LYG2: variants seen among roughly 807,000 people sequenced by gnomAD.
The protein encoded by LYG2 is lysozyme g-like protein 2.
Under a neutral mutation model 22.4 loss-of-function variants are expected in LYG2, and 25 were observed. The observed-to-expected ratio is 1.12, with a 90% CI of 0.81 to 1.56. The LOEUF (loss-of-function observed/expected upper bound fraction) is 1.56. LYG2 is among the 40% of genes most tolerant of loss of function. The pLI is 0.00. For missense variants in LYG2, 266 were observed against 269.5 expected, an observed-to-expected ratio of 0.99 and a Z score of 0.09; for synonymous variants, 88 against 97.0, an observed-to-expected ratio of 0.91 and a Z score of 0.55.
At chr2:99,248,371 G>A (rs1340505421) in intron 3 of LYG2, among the ~76,000 whole-genome samples, 1 of 151,942 alleles carries the variant, frequency 6.6e-6, no homozygotes, top group Non-Finnish European at 1.5e-5. Flanking sequence ...AGAAAATGTG[G>A]CACATATACA....
At chr2:99,255,268 TTACC>T (rs1225289918) in intron 1 of LYG2, 131 bp from the exon 2 acceptor site, 1 of 152,264 alleles carries the variant, frequency 6.6e-6, no homozygotes, top group Non-Finnish European at 1.5e-5. Flanking sequence ...CTGGCTTTTC[TTACC>T]TTCGTCCTGT....
chr2:99,256,654 C>T, upstream of LYG2, among the ~76,000 whole-genome samples: 1 of 152,222 alleles, frequency 6.6e-6, no homozygotes, highest in East Asian at 1.9e-4. Context: ...TGGAAGAAGA[C>T]ATTGTTAATA....
intron 4 of LYG2, among the ~76,000 whole-genome samples, chr2:99,246,369 T>C (rs1160301115): frequency 6.6e-6 from 1 of 152,102 alleles, no homozygotes; most frequent in Non-Finnish European, 1.5e-5. Context: ...TTGCTTCAAA[T>C]GGTCATGTGT....
At chr2:99,244,415 G>A (rs907779531) in intron 5 of LYG2, among the ~76,000 whole-genome samples, 1 of 152,186 alleles carries the variant, frequency 6.6e-6, no homozygotes, top group African/African-American at 2.4e-5. Context: ...CACATTTATA[G>A]TAATAAATAA....
rs74410878 is a variant in LYG2 at position 99,255,653 on chromosome 2, C to T, written c.-194G>A. ...TGTTCCCATTCCAATGTCATATGATCCCCGTACCAGTATGTCACATGATCT... is the reference window on the plus strand; with the variant it reads ...TGTTCCCATTCCAATGTCATATGATTCCCGTACCAGTATGTCACATGATCT... On this transcript the variant is annotated 5_prime_UTR_variant, in exon 1 of 7. Coordinates refer to ENST00000333017, the MANE Select transcript of LYG2 (RefSeq NM_175735.4). Among the ~76,000 whole-genome samples, 2 of 152,112 alleles carry T rather than the reference C, an allele frequency of 1.3e-5. No homozygotes were observed. Among genetic ancestry groups the T allele is most frequent in the African/African-American group, 4.8e-5 (2 of 41,422 alleles).
chr2:99,245,505 G>A (rs781163098), intron 4 of LYG2, 47 bp from the exon 5 acceptor site: 2 of 1,311,010 alleles, frequency 1.5e-6, no homozygotes, highest in East Asian at 2.4e-5. Context: ...GGTAGTGTGT[G>A]CCTGAAGTCA....
In LYG2 at chr2:99,247,281, G is replaced by A. The variant is rs146957998; in HGVS notation, c.44-461C>T. ...CTTATTTTCTCTTTTTGTAGAGATG[G>A]GGTTTTGCTATGTTGCCCAAGCTAG... On this transcript the variant is annotated intron_variant, in intron 3 of 6. Transcript: ENST00000333017. Among the ~76,000 whole-genome samples the A allele has an allele frequency of 3.6e-3, 547 of 152,056 alleles. 2 individuals carry two copies. Among genetic ancestry groups the A allele is most frequent in the African/African-American group, 0.013 (528 of 41,458 alleles).
chr2:99,248,133 G>A (rs2094019546), intron 3 of LYG2, among the ~76,000 whole-genome samples: 1 of 151,894 alleles, frequency 6.6e-6, no homozygotes, highest in Admixed American at 6.5e-5. Flanking sequence ...CACTGTTGGT[G>A]GGACTGTAAA....
intron 5 of LYG2, among the ~76,000 whole-genome samples, chr2:99,245,059 C>T (rs927803416): frequency 7.3e-5 from 11 of 150,098 alleles, no homozygotes; most frequent in Admixed American, 1.3e-4. Flanking sequence ...TGCAGTGAGC[C>T]GAGATCACGC....
At chr2:99,254,586 T>C (rs546246958) in intron 2 of LYG2, among the ~76,000 whole-genome samples, 1 of 152,256 alleles carries the variant, frequency 6.6e-6, no homozygotes, top group African/African-American at 2.4e-5. Flanking sequence ...CACAATTTTG[T>C]TCCCTTTCTT....
the LYG2 span, among the ~76,000 whole-genome samples, chr2:99,261,005 G>C: frequency 2.8e-4 from 43 of 152,190 alleles, 1 homozygote; most frequent in African/African-American, 9.9e-4. Flanking sequence ...AGCTGAAAGA[G>C]AGCCAAAAAG....
chr2:99,245,503 G>T (rs1428615142), intron 4 of LYG2, 45 bp from the exon 5 acceptor site: 2 of 1,325,476 alleles, frequency 1.5e-6, no homozygotes, highest in Admixed American at 1.9e-5. Context: ...ATGGTAGTGT[G>T]TGCCTGAAGT....
At chr2:99,251,036 C>T (rs1274618897) in intron 3 of LYG2, among the ~76,000 whole-genome samples, 1 of 152,044 alleles carries the variant, frequency 6.6e-6, no homozygotes, top group African/African-American at 2.4e-5. Context: ...GTGTGATTTG[C>T]TCATATTTTC....
chr2:99,253,965 A>G (rs1382226941), intron 3 of LYG2, among the ~76,000 whole-genome samples: 1 of 152,156 alleles, frequency 6.6e-6, no homozygotes, highest in African/African-American at 2.4e-5. Context: ...TGATAGGTGC[A>G]TTGTCAGACA....
intron 4 of LYG2, among the ~76,000 whole-genome samples, chr2:99,246,096 A>C (rs1246108882): frequency 6.6e-6 from 1 of 152,204 alleles, no homozygotes; most frequent in East Asian, 1.9e-4. Flanking sequence ...TGACAAAGCA[A>C]GACTCTGTCA....
chr2:99,242,476 A>T lies in LYG2; in HGVS notation c.527T>A (p.Leu176His), dbSNP rs777168033. The T allele has an allele frequency of 3.7e-6, 6 of 1,601,540 alleles. No individual in the cohort carries two copies. Among genetic ancestry groups the T allele is most frequent in the Admixed American group, 1.7e-5 (1 of 59,558 alleles). ...TTCAATTCCTGACTTAAAAGCTGAG[A>T]GACCACCTGAAATGAAACACAGAGA... ...WSVAQHLKGG[L>H]SAFKSGIEAI... The change falls in exon 7 of 7, where the codon CTC becomes CAC. Residue 176 changes from leucine to histidine, a missense_variant. Transcript: ENST00000333017.
Position 99,245,367 on chromosome 2 carries a change from G to A in LYG2, c.276C>T (p.Cys92=), listed in dbSNP as rs775217910. The part of the protein sequence containing the change: ...TLIKEVGQRH[C]VDPAVIAAII... ...TGGCTGCGATGACAGCAGGGTCCAC[G>A]CAATGTCTCTGCCCGACTTCTTTGA... The change falls in exon 5 of 7, where the codon TGC becomes TGT. Residue 92 remains cysteine, a synonymous_variant. Coordinates refer to ENST00000333017, the MANE Select transcript of LYG2 (RefSeq NM_175735.4). 5 of 1,613,208 alleles carry A rather than the reference G, an allele frequency of 3.1e-6. No homozygotes were observed. Among genetic ancestry groups the A allele is most frequent in the Non-Finnish European group, 3.4e-6 (4 of 1,179,602 alleles).
In LYG2 at chr2:99,244,022, C is replaced by G. The variant is rs201455512; in HGVS notation, c.497G>C (p.Trp166Ser). 4.3e-6 allele frequency: 7 copies of G among 1,613,920 alleles called. No individual in the cohort carries two copies. Among genetic ancestry groups the G allele is most frequent in the Non-Finnish European group, 5.9e-6 (7 of 1,180,002 alleles). The change falls in exon 6 of 7, where the codon TGG becomes TCG. Residue 166 changes from tryptophan (W) to serine (S), a missense_variant. Transcript: ENST00000333017. Reference protein sequence around the residue: ...IKAIQKKFPTWSVAQHLKGGL... With the variant: ...IKAIQKKFPTSSVAQHLKGGL... ...ACCTTTGAGGTGCTGAGCAACACTC[C>G]ACGTGGGGAATTTTTTCTGGATTGC... is the stretch of plus-strand genomic sequence containing the variant.
upstream of LYG2, among the ~76,000 whole-genome samples, chr2:99,255,671 C>T (rs1339615811): frequency 6.6e-6 from 1 of 152,136 alleles, no homozygotes; most frequent in Non-Finnish European, 1.5e-5. Context: ...CAGTATGTCA[C>T]ATGATCTCAA....
Sources: gnomAD v4.1 joint callset for allele counts (sites outside exome capture counted in the v4.1 genomes callset) on GRCh38, gnomAD v4.1.1 for gene constraint, MANE v1.5 for transcripts, NCBI Gene and HGNC (gene_info 2026-07-23, HGNC 2026-07-21) for gene names.